The following CTNNA3 variants were observed in gnomAD, a reference collection of about 807,000 sequenced individuals.
CTNNA3 encodes catenin alpha-3.
In CTNNA3, 76 loss-of-function variants were observed where a neutral mutation model predicts 95.7. The ratio of observed to expected loss-of-function variants is 0.79; its 90% CI spans 0.66 to 0.96. The LOEUF is 0.96. Ranked by LOEUF, CTNNA3 falls within the 40% of genes least tolerant of loss-of-function variation. The pLI, the probability that CTNNA3 is intolerant of heterozygous loss-of-function variation, is 0.00. For missense variants in CTNNA3, 1,191 were observed against 1,089.8 expected, an observed-to-expected ratio of 1.09 and a Z score of -1.31; for synonymous variants, 431 against 374.4, an observed-to-expected ratio of 1.15 and a Z score of -1.74.
intron 7 of CTNNA3, among the ~76,000 whole-genome samples, chr10:66,852,821 AC>A (rs1343024207): frequency 6.6e-6 from 1 of 152,158 alleles, no homozygotes; most frequent in Non-Finnish European, 1.5e-5. Flanking sequence ...ATTAAAAAAA[AC>A]TTCACACTGG....
intron 15 of CTNNA3, among the ~76,000 whole-genome samples, chr10:66,055,905 G>C (rs2080075029): frequency 7.9e-6 from 1 of 126,612 alleles, no homozygotes; most frequent in East Asian, 2.3e-4. Context: ...CTGGGCGACA[G>C]AGCGAGACTC....
chr10:67,225,568 A>G (rs747455973), intron 5 of CTNNA3, among the ~76,000 whole-genome samples: 1 of 152,158 alleles, frequency 6.6e-6, no homozygotes, highest in Non-Finnish European at 1.5e-5. Context: ...GATAACCCAC[A>G]GTACCAACCC....
chr10:67,740,417 A>G (rs1841329169), intron 1 of CTNNA3, among the ~76,000 whole-genome samples: 1 of 151,396 alleles, frequency 6.6e-6, no homozygotes, highest in African/African-American at 2.4e-5. Context: ...CATCTGACAA[A>G]GGGCTAATAT....
intron 2 of CTNNA3, among the ~76,000 whole-genome samples, chr10:67,617,080 C>T (rs1843680780): frequency 6.6e-6 from 1 of 152,080 alleles, no homozygotes; most frequent in Non-Finnish European, 1.5e-5. Flanking sequence ...AGAGGAAATG[C>T]CTGGTTTTTG....
chr10:67,205,034 T>C (rs935448937), intron 6 of CTNNA3, among the ~76,000 whole-genome samples: 1 of 152,238 alleles, frequency 6.6e-6, no homozygotes, highest in Admixed American at 6.5e-5. Flanking sequence ...TAATTGTTTA[T>C]GTCTACACCT....
intron 5 of CTNNA3, among the ~76,000 whole-genome samples, chr10:67,225,661 A>C (rs1864874882): frequency 6.6e-6 from 1 of 152,180 alleles, no homozygotes; most frequent in Non-Finnish European, 1.5e-5. Context: ...AGCCACACCC[A>C]TAGGAAAAGC....
intron 12 of CTNNA3, among the ~76,000 whole-genome samples, chr10:66,340,245 A>G (rs1257989783): frequency 6.6e-6 from 1 of 151,812 alleles, no homozygotes; most frequent in Non-Finnish European, 1.5e-5. Context: ...GCATCCAAAA[A>G]GTCACATTCA....
rs571709803 is a variant in CTNNA3, at chr10:66,382,140, G to A, written c.1532-2788C>T. On this transcript the variant is annotated intron_variant, in intron 11 of 17. Coordinates refer to ENST00000433211, the MANE Select transcript of CTNNA3 (RefSeq NM_013266.4). ...AGCAGGACAGGGTGTTGCCTCACCC[G>A]GGAAGCACAAGGGGTCAGCGGATTT... 7.8e-4 allele frequency among the ~76,000 whole-genome samples: 119 copies of A among 152,228 alleles called. 1 individual carries two copies. Among genetic ancestry groups the A allele is most frequent in the East Asian group, 3.5e-3 (18 of 5,136 alleles).
intron 7 of CTNNA3, among the ~76,000 whole-genome samples, chr10:67,171,131 G>A (rs1861999718): frequency 6.6e-6 from 1 of 152,124 alleles, no homozygotes; most frequent in South Asian, 2.1e-4. Context: ...ATAAGATAGT[G>A]CTGGCTAATA....
chr10:66,726,327 A>G (rs1236743340), intron 9 of CTNNA3, among the ~76,000 whole-genome samples: 2 of 152,094 alleles, frequency 1.3e-5, no homozygotes, highest in Non-Finnish European at 2.9e-5. Context: ...TATAATTCAA[A>G]ATGTAAAGCC....
chr10:66,175,341 T>C (rs2085654004), intron 13 of CTNNA3, among the ~76,000 whole-genome samples: 1 of 152,176 alleles, frequency 6.6e-6, no homozygotes, highest in African/African-American at 2.4e-5. Flanking sequence ...ATACAGACTA[T>C]GAATAGAATA....
chr10:66,018,447 A>G (rs1419165978), intron 15 of CTNNA3, among the ~76,000 whole-genome samples: 4 of 152,098 alleles, frequency 2.6e-5, no homozygotes, highest in Non-Finnish European at 5.9e-5. Flanking sequence ...TTATTTTGAG[A>G]AAAATAATGT....
At chr10:67,565,093 A>G (rs1276713988) in intron 3 of CTNNA3, among the ~76,000 whole-genome samples, 1 of 121,288 alleles carries the variant, frequency 8.2e-6, no homozygotes, top group Non-Finnish European at 1.6e-5. Context: ...AGACGAAGAA[A>G]TGTAAGGCAT....
At chr10:67,585,104 C>G (rs1462231712) in intron 3 of CTNNA3, among the ~76,000 whole-genome samples, 21 of 152,222 alleles carry the variant, frequency 1.4e-4, no homozygotes, top group Admixed American at 1.3e-3. Flanking sequence ...AACCTGGTAC[C>G]TCAGTTGGAA....
At chr10:67,093,378 T>G (rs907814734) in intron 7 of CTNNA3, among the ~76,000 whole-genome samples, 3 of 151,934 alleles carry the variant, frequency 2.0e-5, no homozygotes, top group African/African-American at 7.3e-5. Flanking sequence ...AAATTGGGAC[T>G]GTACTGTTGA....
chr10:66,244,439 C>T (rs538429089), intron 13 of CTNNA3, among the ~76,000 whole-genome samples: 1 of 152,178 alleles, frequency 6.6e-6, no homozygotes, highest in Admixed American at 6.5e-5. Context: ...GGGCTTTGAG[C>T]AAGACCCAGT....
At chr10:67,155,385 T>A (rs558768103) in intron 7 of CTNNA3, among the ~76,000 whole-genome samples, 6 of 152,314 alleles carry the variant, frequency 3.9e-5, no homozygotes, top group African/African-American at 1.4e-4. Flanking sequence ...ATTGTTGTAA[T>A]GATTACATGA....
At chr10:66,669,529 G>C (rs1005408419) in intron 9 of CTNNA3, among the ~76,000 whole-genome samples, 1 of 151,754 alleles carries the variant, frequency 6.6e-6, no homozygotes, top group Non-Finnish European at 1.5e-5. Context: ...GTGACAGAGC[G>C]AGACTTTTGT....
chr10:66,196,591 C>T (rs1462839), intron 13 of CTNNA3, among the ~76,000 whole-genome samples: 23,530 of 152,162 alleles, frequency 0.15, 2,278 homozygotes, highest in Middle Eastern at 0.22. Flanking sequence ...GAACTAACTC[C>T]CTCACTTTCA....
Sources: allele counts gnomAD v4.1 joint callset (sites outside exome capture counted in the v4.1 genomes callset), GRCh38; gene constraint gnomAD v4.1.1; transcripts MANE v1.5; gene names NCBI Gene and HGNC (gene_info 2026-07-23, HGNC 2026-07-21).